Variants in TNIK observed in about 807,000 individuals in gnomAD.
TNIK encodes TRAF2 and NCK interacting kinase.
TNIK carries 49 observed loss-of-function variants against 191.3 expected under a neutral mutation model. The ratio of observed to expected loss-of-function variants is 0.26; its 90% CI spans 0.20 to 0.32. The LOEUF (loss-of-function observed/expected upper bound fraction) is 0.32. TNIK is among the 10% of genes least tolerant of loss of function. TNIK has a pLI of 1.00. For synonymous variants in TNIK, 594 were observed against 600.9 expected (o/e 0.99, Z 0.17); for missense variants, 1,155 against 1,702.3 (o/e 0.68, Z 5.66).
intron 2 of TNIK, among the ~76,000 whole-genome samples, chr3:171,249,308 C>G (rs1204330909): frequency 1.3e-5 from 2 of 152,144 alleles, no homozygotes; most frequent in Non-Finnish European, 2.9e-5. Flanking sequence ...AATGTTACAC[C>G]ACATATTTTC....
chr3:171,437,949 G>T (rs550363930), intron 1 of TNIK, among the ~76,000 whole-genome samples: 1 of 152,178 alleles, frequency 6.6e-6, no homozygotes, highest in Non-Finnish European at 1.5e-5. Flanking sequence ...GCCATGAGGC[G>T]GCAAAATGTC....
intron 1 of TNIK, among the ~76,000 whole-genome samples, chr3:171,370,241 T>G (rs765256569): frequency 2.0e-5 from 3 of 152,160 alleles, no homozygotes; most frequent in Non-Finnish European, 4.4e-5. Context: ...ATCTCTTCTG[T>G]AATACTGCCT....
At chr3:171,349,322 G>A (rs1712762819) in intron 2 of TNIK, among the ~76,000 whole-genome samples, 1 of 152,164 alleles carries the variant, frequency 6.6e-6, no homozygotes, top group Non-Finnish European at 1.5e-5. Flanking sequence ...AGAAATATTT[G>A]TTGGTTGGTA....
chr3:171,251,018 G>A (rs939356611), intron 2 of TNIK, among the ~76,000 whole-genome samples: 2 of 152,184 alleles, frequency 1.3e-5, no homozygotes, highest in African/African-American at 2.4e-5. Context: ...AGTGACCAAA[G>A]AATGACTGAA....
intron 20 of TNIK, 21 bp from the exon 21 acceptor site, chr3:171,107,227 T>C: frequency 6.2e-7 from 1 of 1,607,944 alleles, no homozygotes; most frequent in Non-Finnish European, 8.5e-7. Flanking sequence ...AGGAACCCAA[T>C]CCAGAAGAAT....
chr3:171,230,398 G>C (rs915275257), intron 2 of TNIK, among the ~76,000 whole-genome samples: 1 of 152,134 alleles, frequency 6.6e-6, no homozygotes, highest in Non-Finnish European at 1.5e-5. Context: ...CAAATACAGA[G>C]GGTCTGTCTG....
chr3:171,263,821 G>A (rs902390187), intron 2 of TNIK, among the ~76,000 whole-genome samples: 1 of 151,830 alleles, frequency 6.6e-6, no homozygotes, highest in Non-Finnish European at 1.5e-5. Context: ...TCCTATGGAA[G>A]CAACCCTTAA....
intron 2 of TNIK, among the ~76,000 whole-genome samples, chr3:171,231,412 C>T (rs974478653): frequency 2.6e-5 from 4 of 151,718 alleles, no homozygotes; most frequent in South Asian, 2.1e-4. Flanking sequence ...TTTCATTTCC[C>T]GGCTGAAACA....
chr3:171,195,566 C>G (rs1044366907), intron 4 of TNIK, among the ~76,000 whole-genome samples: 1 of 151,896 alleles, frequency 6.6e-6, no homozygotes, highest in Non-Finnish European at 1.5e-5. Context: ...TTCCTGATAT[C>G]AGCACTATGT....
At chr3:171,226,075 T>C (rs1216832720) in intron 3 of TNIK, among the ~76,000 whole-genome samples, 4 of 152,182 alleles carry the variant, frequency 2.6e-5, no homozygotes, top group African/African-American at 9.6e-5. Flanking sequence ...ACTGATAGTA[T>C]CTGATTTTAA....
intron 1 of TNIK, among the ~76,000 whole-genome samples, chr3:171,381,737 T>A (rs942382388): frequency 6.6e-6 from 1 of 152,172 alleles, no homozygotes; most frequent in Non-Finnish European, 1.5e-5. Context: ...GCAGAATTAC[T>A]GTGTGGGGCA....
chr3:171,212,794 G>T (rs975562780), intron 3 of TNIK, among the ~76,000 whole-genome samples: 1 of 152,178 alleles, frequency 6.6e-6, no homozygotes, highest in African/African-American at 2.4e-5. Context: ...CATTAGTGAT[G>T]TTAGAAGGAA....
At chr3:171,103,179 G>A (rs1723891758) in intron 21 of TNIK, among the ~76,000 whole-genome samples, 3 of 151,310 alleles carry the variant, frequency 2.0e-5, no homozygotes, top group Admixed American at 2.0e-4. Context: ...ACTTGGCTAG[G>A]GCTTTTGCAC....
intron 12 of TNIK, among the ~76,000 whole-genome samples, chr3:171,148,428 C>T (rs1247102468): frequency 1.3e-5 from 2 of 152,156 alleles, no homozygotes; most frequent in African/African-American, 4.8e-5. Flanking sequence ...CGGGATTTCC[C>T]AGGTGTCATA....
Position 171,126,238 on chromosome 3 carries a change from A to G in TNIK, c.1774-87T>C, listed in dbSNP as rs553863358. 10 of 1,438,054 alleles carry G rather than the reference A, an allele frequency of 7.0e-6. No homozygotes were observed. In the South Asian group the frequency reaches 1.3e-4, roughly 18 times the overall value. 89.1% of individuals were successfully genotyped at this position (1,438,054 alleles called of 1,614,324 possible). A position where few individuals can be genotyped will look rare whatever the true frequency, so the allele number is the denominator to read the frequency against. The stretch of plus-strand genomic sequence containing the variant: ...TCAGTGAGCTGAAGGAAAAAAAAAA[A>G]AAAGTTCAAGGGCACAAAAATTGGA... On this transcript the variant is annotated intron_variant, in intron 16 of 32. Transcript: ENST00000436636.
At chr3:171,246,111 G>A (rs1745565886) in intron 2 of TNIK, among the ~76,000 whole-genome samples, 1 of 152,090 alleles carries the variant, frequency 6.6e-6, no homozygotes, top group Admixed American at 6.5e-5. Context: ...GAGAGGGTGA[G>A]AAAGGTTGGA....
chr3:171,120,323 CTTT>C (rs397691045), intron 18 of TNIK, among the ~76,000 whole-genome samples: 5 of 136,384 alleles, frequency 3.7e-5, no homozygotes, highest in South Asian at 2.3e-4. Flanking sequence ...TTTTTTCTTT[CTTT>C]TTTTTTTTTT....
At chr3:171,229,287 C>T (rs991179782) in intron 2 of TNIK, among the ~76,000 whole-genome samples, 2 of 152,126 alleles carry the variant, frequency 1.3e-5, no homozygotes, top group African/African-American at 4.8e-5. Flanking sequence ...TGTTGTCTTC[C>T]CTACTGAACT....
chr3:171,200,856 T>C (rs1427320754), intron 4 of TNIK, among the ~76,000 whole-genome samples: 1 of 152,224 alleles, frequency 6.6e-6, no homozygotes. Flanking sequence ...GTTCCTGTAA[T>C]GAGAAACGAA....
Sources: gnomAD v4.1 joint callset for allele counts (sites outside exome capture counted in the v4.1 genomes callset) on GRCh38, gnomAD v4.1.1 for gene constraint, MANE v1.5 for transcripts, NCBI Gene and HGNC (gene_info 2026-07-23, HGNC 2026-07-21) for gene names.